SACS: variants seen among roughly 807,000 people sequenced by gnomAD.
SACS encodes the protein sacsin.
A neutral mutation model predicts 348.0 loss-of-function variants in SACS; 197 were observed. That is an observed-to-expected ratio of 0.57 (90% CI 0.50 to 0.64). The LOEUF (loss-of-function observed/expected upper bound fraction) is 0.64, where lower values mean the gene tolerates loss of function less well. Among genes scored for constraint, SACS ranks in the 30% least tolerant of loss-of-function variants. SACS has a pLI of 0.00. For synonymous variants in SACS, 1,985 were observed against 1,910.6 expected (o/e 1.04, Z -1.02); for missense variants, 4,999 against 5,360.8 (o/e 0.93, Z 2.11).
chr13:23,349,331 A>G (rs1869810908), intron 9 of SACS, among the ~76,000 whole-genome samples: 1 of 152,256 alleles, frequency 6.6e-6, no homozygotes, highest in South Asian at 2.1e-4. Flanking sequence ...TCTTGTGGAC[A>G]GTAGTGTTAT....
At chr13:23,366,513 A>G (rs1033416926) in intron 5 of SACS, among the ~76,000 whole-genome samples, 1 of 152,222 alleles carries the variant, frequency 6.6e-6, no homozygotes, top group African/African-American at 2.4e-5. Flanking sequence ...AATCTTATTT[A>G]CATTAGGATA....
intron 9 of SACS, among the ~76,000 whole-genome samples, chr13:23,347,744 G>T (rs1869699358): frequency 6.6e-6 from 1 of 152,188 alleles, no homozygotes; most frequent in Admixed American, 6.5e-5. Flanking sequence ...AGCACACATG[G>T]GTTGCATGAA....
chr13:23,388,374 A>C (rs1350330310), intron 2 of SACS, among the ~76,000 whole-genome samples: 1 of 148,528 alleles, frequency 6.7e-6, no homozygotes, highest in African/African-American at 2.4e-5. Context: ...TATGGAACCA[A>C]TCGAAGTCCC....
intron 1 of SACS, among the ~76,000 whole-genome samples, chr13:23,430,668 C>T (rs1210315248): frequency 6.6e-6 from 1 of 152,166 alleles, no homozygotes; most frequent in Non-Finnish European, 1.5e-5. Flanking sequence ...TTTAAATGAT[C>T]ACCAATAATT....
intron 1 of SACS, among the ~76,000 whole-genome samples, chr13:23,420,396 C>G (rs55873611): frequency 0.026 from 3,879 of 151,748 alleles, 119 homozygotes; most frequent in African/African-American, 0.073. Context: ...TAATGTCCAC[C>G]GGTGGCCCAA....
At position 23,355,710 on chromosome 13, in the gene SACS, G is replaced by A. The variant is rs767424419; in HGVS notation, c.902C>T (p.Ala301Val). Reference sequence around the variant, plus strand: ...AAAGAGCAGCACTGTGTCTGCATCTGCCCTAAAAGACTCAAACAACTCAAG... The same window carrying A: ...AAAGAGCAGCACTGTGTCTGCATCTACCCTAAAAGACTCAAACAACTCAAG... ...KVLELFESFR[A>V]DADTVLLFLK... The change falls in exon 8 of 10, where the codon GCA becomes GTA. Residue 301 changes from alanine (A) to valine (V), a missense_variant. Ala to Val is a moderately conservative substitution (Grantham distance 64). Transcript: ENST00000382292. 3 of 1,614,122 alleles carry A rather than the reference G, an allele frequency of 1.9e-6. No individual in the cohort carries two copies. The highest frequency in any genetic ancestry group is 2.5e-6 in the Non-Finnish European group (3 of 1,180,028).
At position 23,340,559 on chromosome 13, in the gene SACS, A is replaced by C; in HGVS notation, c.3317T>G (p.Val1106Gly). 6.2e-7 allele frequency: 1 copy of C among 1,612,914 alleles called. No homozygotes were observed. The highest frequency in any genetic ancestry group is 8.5e-7 in the Non-Finnish European group (1 of 1,179,700). The change falls in exon 10 of 10, where the codon GTG (valine) becomes GGG (glycine). Residue 1106 changes from valine (V) to glycine (G), a missense_variant. Val to Gly is a moderately radical substitution (Grantham distance 109). Coordinates refer to ENST00000382292, the MANE Select transcript of SACS (RefSeq NM_014363.6). ...CTGTAAGGCTTCAATTTTTTTTGCC[A>C]CTTGCACAACATCCTTTTCTTTGAG... The part of the protein sequence containing the change: ...ASLKEKDVVQ[V>G]AKKIEALQVG...
Sources: allele counts gnomAD v4.1 joint callset (sites outside exome capture counted in the v4.1 genomes callset), GRCh38; gene constraint gnomAD v4.1.1; transcripts MANE v1.5; gene names NCBI Gene and HGNC (gene_info 2026-07-23, HGNC 2026-07-21).